SART3: variants seen among roughly 807,000 people sequenced by gnomAD.
SART3 encodes HIV-1 Tat-interacting protein of 110kDa.
In SART3, 44 loss-of-function variants were observed where a neutral mutation model predicts 122.3. The observed-to-expected ratio is 0.36, with a 90% CI of 0.28 to 0.46. The LOEUF is 0.46. SART3 is among the 20% of genes least tolerant of loss of function. The pLI is 1.00. For missense variants in SART3, 1,101 were observed against 1,229.0 expected (o/e 0.90, Z 1.56); for synonymous variants, 442 against 454.0 (o/e 0.97, Z 0.34).
At chr12:108,538,239 T>C (rs1211422546) in intron 7 of SART3, 36 bp from the exon 8 acceptor site, 1 of 1,611,914 alleles carries the variant, frequency 6.2e-7, no homozygotes, top group Non-Finnish European at 8.5e-7. Context: ...GAAATTACAC[T>C]TTATTAAGCA....
intron 6 of SART3, among the ~76,000 whole-genome samples, chr12:108,540,641 CAA>C (rs36065481): frequency 2.7e-3 from 340 of 125,772 alleles, no homozygotes; most frequent in Non-Finnish European, 4.0e-3. Context: ...GCATTGAAGG[CAA>C]AAAAAAAAAA....
At chr12:108,536,481 G>T (rs371076700) in intron 11 of SART3, 33 bp downstream of exon 11, 35 of 1,604,174 alleles carry the variant, frequency 2.2e-5, no homozygotes, top group Non-Finnish European at 2.9e-5. Context: ...AACAATGATG[G>T]ATGAAAGTGC....
At chr12:108,537,359 G>C (rs1872956975) in intron 9 of SART3, 129 bp downstream of exon 9, 1 of 720,752 alleles carries the variant, frequency 1.4e-6, no homozygotes, top group South Asian at 1.5e-5. Context: ...ATTTCTGGGG[G>C]AAAAAGTCAC....
rs748718221 is a variant in SART3, at chr12:108,538,181, T to C, written c.1085A>G (p.Asp362Gly). 4 of 1,614,028 alleles carry C rather than the reference T, an allele frequency of 2.5e-6. No individual in the cohort carries two copies. The highest frequency in any genetic ancestry group is 1.7e-5 in the Admixed American group (1 of 59,992). ...GCGGTTATGTACAGATAAAACCAAA[T>C]CCTTTACTTTCAGTTGTCGATCCTA... ...QYLDRQLKVKDLVLSVHNRAI... is the reference protein window; with the variant it reads ...QYLDRQLKVKGLVLSVHNRAI... The change falls in exon 8 of 19, where the codon GAT becomes GGT. Residue 362 changes from aspartate to glycine, a missense_variant. Asp to Gly is a moderately conservative substitution (Grantham distance 94, BLOSUM62 -1). Transcript: ENST00000546815.
chr12:108,543,614 C>G (rs1324142100), intron 5 of SART3, among the ~76,000 whole-genome samples: 1 of 152,216 alleles, frequency 6.6e-6, no homozygotes, highest in East Asian at 1.9e-4. Context: ...TAGGTTGTTT[C>G]ACGCTGGTAG....
At chr12:108,531,861 T>C (rs1872688704) in intron 13 of SART3, 1 of 340,312 alleles carries the variant, frequency 2.9e-6, no homozygotes, top group African/African-American at 2.1e-5. Context: ...CAAGAGACAT[T>C]TGGCAATGTT....
At chr12:108,558,656 G>A (rs914871764) in intron 1 of SART3, among the ~76,000 whole-genome samples, 4 of 152,174 alleles carry the variant, frequency 2.6e-5, no homozygotes, top group African/African-American at 9.6e-5. Context: ...ATCAACAAGG[G>A]CAGGGACACA....
At chr12:108,524,153 C>T (rs1872258316) in intron 18 of SART3, 163 bp downstream of exon 18, 7 of 716,872 alleles carry the variant, frequency 9.8e-6, no homozygotes, top group Admixed American at 1.9e-5. Context: ...CTGCTCTGGA[C>T]GCCTTGCTCC....
chr12:108,544,525 G>C (rs1687334747), intron 4 of SART3, 47 bp from the exon 5 acceptor site: 1 of 1,614,064 alleles, frequency 6.2e-7, no homozygotes, highest in African/African-American at 1.3e-5. Context: ...AAGGAAGCCA[G>C]CTACGGGCTA....
chr12:108,533,525 A>C (rs1872776427), intron 12 of SART3, among the ~76,000 whole-genome samples: 1 of 152,234 alleles, frequency 6.6e-6, no homozygotes, highest in South Asian at 2.1e-4. Flanking sequence ...TATTTGGCAG[A>C]CATTTTTGAA....
chr12:108,524,400 T>C lies in SART3; in HGVS notation c.2630A>G (p.Asn877Ser), dbSNP rs765674787. 4 of 1,614,108 alleles carry C rather than the reference T, an allele frequency of 2.5e-6. No individual in the cohort carries two copies. The South Asian group carries it at 4.4e-5, about 18-fold the overall frequency. Residue 877 changes from asparagine to serine, a missense_variant, in exon 18 of 19, where the codon AAC becomes AGC. Asn to Ser is a conservative substitution (Grantham distance 46). This residue lies in a region of SART3 where 885 missense variants were observed against 1,080.1 expected (regional missense o/e 0.82). Transcript: ENST00000546815. Reference protein sequence around the residue: ...KENIIKVAISNPPQRKVPEKP... With the variant: ...KENIIKVAISSPPQRKVPEKP... Reference sequence around the variant, plus strand: ...CTCTGGAACTTTCCTCTGAGGAGGGTTGCTGATTGCCACTTTGATGATGTT... The same window carrying C: ...CTCTGGAACTTTCCTCTGAGGAGGGCTGCTGATTGCCACTTTGATGATGTT...
chr12:108,525,040 G>T (rs1222512971), intron 17 of SART3, among the ~76,000 whole-genome samples: 1 of 152,228 alleles, frequency 6.6e-6, no homozygotes, highest in Admixed American at 6.5e-5. Flanking sequence ...GGGGCAAGAA[G>T]GAAAGACAGG....
intron 1 of SART3, among the ~76,000 whole-genome samples, chr12:108,557,631 A>G (rs1340537898): frequency 6.6e-6 from 1 of 152,132 alleles, no homozygotes; most frequent in African/African-American, 2.4e-5. Context: ...TACAACCTTC[A>G]TTTTACTAAC....
At chr12:108,536,226 G>T (rs902190844) in intron 11 of SART3, among the ~76,000 whole-genome samples, 1 of 152,228 alleles carries the variant, frequency 6.6e-6, no homozygotes, top group Admixed American at 6.5e-5. Flanking sequence ...CACAAATGAA[G>T]CAAAGAGGCA....
chr12:108,528,222 C>T (rs976643512), intron 15 of SART3, among the ~76,000 whole-genome samples: 3 of 152,112 alleles, frequency 2.0e-5, no homozygotes, highest in Non-Finnish European at 4.4e-5. Context: ...GTGTCTCATG[C>T]CTGTAATAAC....
Position 108,537,566 on chromosome 12 carries a change from A to T in SART3, c.1231T>A (p.Phe411Ile). The change falls in exon 9 of 19, where the codon TTC becomes ATC. Residue 411 changes from phenylalanine to isoleucine, a missense_variant. Coordinates refer to ENST00000546815, the MANE Select transcript of SART3 (RefSeq NM_014706.4). ...TCCACATAATCAGTGGCCTGGATGAAGCCGGCATTCAAAGCTTTCTCGAAG... is the reference window on the plus strand; with the variant it reads ...TCCACATAATCAGTGGCCTGGATGATGCCGGCATTCAAAGCTTTCTCGAAG... ...VTFEKALNAG[F>I]IQATDYVEIW... 3 of 1,614,098 alleles carry T rather than the reference A, an allele frequency of 1.9e-6. No individual in the cohort carries two copies. The highest frequency in any genetic ancestry group is 2.5e-6 in the Non-Finnish European group (3 of 1,179,934).
At chr12:108,542,740 TATC>T in intron 6 of SART3, 1 of 484,638 alleles carries the variant, frequency 2.1e-6, no homozygotes, top group Non-Finnish European at 3.9e-6. Flanking sequence ...GCAAGGGAAT[TATC>T]ATCACAAAAG....
chr12:108,540,641 CA>C (rs36065481), intron 6 of SART3, among the ~76,000 whole-genome samples: 97,431 of 125,764 alleles, frequency 0.77, 36,264 homozygotes, highest in East Asian at 0.9. Context: ...GCATTGAAGG[CA>C]AAAAAAAAAA....
chr12:108,523,544 G>C lies in SART3; in HGVS notation c.2805C>G (p.Ala935=). 1 of 1,613,908 alleles carries C rather than the reference G, an allele frequency of 6.2e-7. No homozygotes were observed. Among genetic ancestry groups the C allele is most frequent in the Non-Finnish European group, 8.5e-7 (1 of 1,180,006 alleles). Residue 935 remains alanine, a synonymous_variant, in exon 19 of 19, where the codon GCC becomes GCG. Coordinates refer to ENST00000546815, the MANE Select transcript of SART3 (RefSeq NM_014706.4). ...CTGGGGCGGCAACTGCAGGAGCCGC[G>C]GCAGGGCCGTTCTCAGCCTGAGGAG... The part of the protein sequence containing the change: ...AAAPQAENGP[A]AAPAVAAPAA...
Sources: gnomAD v4.1 joint callset for allele counts (sites outside exome capture counted in the v4.1 genomes callset) on GRCh38, gnomAD v4.1.1 for gene constraint, gnomAD v4.1.1 regional missense constraint, MANE v1.5 for transcripts, NCBI Gene and HGNC (gene_info 2026-07-23, HGNC 2026-07-21) for gene names.